RTL4: variants seen among roughly 807,000 people sequenced by gnomAD.
The protein encoded by RTL4 is retrotransposon Gag-like protein 4.
A neutral mutation model predicts 5.3 loss-of-function variants in RTL4; 4 were observed. The observed-to-expected ratio is 0.75, with a 90% CI of 0.37 to 1.72. RTL4 has a LOEUF of 1.72. Ranked by LOEUF, RTL4 falls within the 40% of genes most tolerant of loss-of-function variation. The probability of loss-of-function intolerance (pLI) is 0.04; values close to 1 mark genes in which losing one functional copy is unlikely to be tolerated. For missense variants in RTL4, 260 were observed against 227.1 expected (o/e 1.14, Z -0.93); for synonymous variants, 98 against 87.3 (o/e 1.12, Z -0.68).
the RTL4 span, among the ~76,000 whole-genome samples, chrX:112,115,181 G>A: frequency 9.9e-5 from 11 of 110,839 alleles, no homozygotes; most frequent in African/African-American, 2.6e-4. Context: ...GAATAGTTGC[G>A]CTCACTGACA....
the RTL4 span, among the ~76,000 whole-genome samples, chrX:112,199,673 T>G: frequency 2.7e-5 from 3 of 111,916 alleles, no homozygotes; most frequent in East Asian, 8.4e-4. Context: ...GTCACAAGAC[T>G]AACTGCTGTG....
the RTL4 span, among the ~76,000 whole-genome samples, chrX:112,162,096 A>G: frequency 1.8e-5 from 2 of 110,525 alleles, no homozygotes; most frequent in African/African-American, 6.6e-5. Context: ...TTTACAAAGG[A>G]AAGTTTTGGA....
At chrX:112,452,798 G>A (rs1305309155), upstream of RTL4, among the ~76,000 whole-genome samples, 1 of 111,456 alleles carries the variant, frequency 9.0e-6, no homozygotes, top group East Asian at 2.9e-4. Context: ...TCGGGAGACC[G>A]AGGCAGGCGG....
the RTL4 span, among the ~76,000 whole-genome samples, chrX:112,188,960 T>TA: frequency 9.0e-6 from 1 of 111,249 alleles, no homozygotes; most frequent in Admixed American, 9.5e-5. Flanking sequence ...AGCCCAGGTA[T>TA]CCTGGGCTCC....
chrX:112,344,136 C>T, the RTL4 span, among the ~76,000 whole-genome samples: 9 of 111,827 alleles, frequency 8.0e-5, no homozygotes, highest in African/African-American at 2.9e-4. Context: ...GAACATCTAC[C>T]ATGTGCCAGT....
the RTL4 span, among the ~76,000 whole-genome samples, chrX:112,178,134 A>T: frequency 9.0e-6 from 1 of 111,390 alleles, no homozygotes; most frequent in Non-Finnish European, 1.9e-5. Context: ...TAGGAAATCC[A>T]ATCAATGTGG....
the RTL4 span, among the ~76,000 whole-genome samples, chrX:112,173,673 G>A: frequency 9.1e-6 from 1 of 110,352 alleles, no homozygotes; most frequent in Admixed American, 9.6e-5. Context: ...GGTGTCTCCA[G>A]AGGGCATAGT....
chrX:112,221,913 C>T, the RTL4 span, among the ~76,000 whole-genome samples: 1 of 112,527 alleles, frequency 8.9e-6, no homozygotes, highest in African/African-American at 3.2e-5. Flanking sequence ...AAAATAGGGC[C>T]TTGCCCTTCT....
the RTL4 span, among the ~76,000 whole-genome samples, chrX:112,169,100 CTTTCTTTCT>C: frequency 2.5e-5 from 1 of 40,730 alleles, no homozygotes. Context: ...TTCTTTCTTT[CTTTCTTTCT>C]TTTTTGGGTT....
At chrX:112,410,084 T>C in the RTL4 span, among the ~76,000 whole-genome samples, 4 of 112,021 alleles carry the variant, frequency 3.6e-5, no homozygotes, top group Admixed American at 3.8e-4. Context: ...TAGCTATAGT[T>C]ATATCAGACA....
the RTL4 span, among the ~76,000 whole-genome samples, chrX:112,446,542 G>A: frequency 3.6e-5 from 4 of 112,145 alleles, no homozygotes; most frequent in African/African-American, 1.3e-4. Flanking sequence ...GCAGGGCTGG[G>A]TTTTCCATTT....
chrX:112,361,112 C>A, the RTL4 span, among the ~76,000 whole-genome samples: 1 of 111,411 alleles, frequency 9.0e-6, no homozygotes, highest in Admixed American at 9.6e-5. Context: ...CACAACCTTA[C>A]GCAAAAACTA....
chrX:112,088,382 T>A, the RTL4 span, among the ~76,000 whole-genome samples: 1 of 111,812 alleles, frequency 8.9e-6, no homozygotes, highest in Non-Finnish European at 1.9e-5. Flanking sequence ...TAGCATATAA[T>A]CAGTACTTAA....
chrX:112,311,668 G>A, the RTL4 span, among the ~76,000 whole-genome samples: 1 of 111,065 alleles, frequency 9.0e-6, no homozygotes, highest in African/African-American at 3.3e-5. Context: ...AGTTTAAGTG[G>A]TATTTTCTAT....
the RTL4 span, among the ~76,000 whole-genome samples, chrX:112,241,580 C>A: frequency 0.012 from 1,304 of 111,624 alleles, 13 homozygotes; most frequent in Non-Finnish European, 0.019. Context: ...AGTTCTTTGT[C>A]GATTCTGGCT....
At chrX:112,397,413 A>C in the RTL4 span, among the ~76,000 whole-genome samples, 1 of 111,045 alleles carries the variant, frequency 9.0e-6, no homozygotes, top group Admixed American at 9.6e-5. Context: ...GAATTAATTG[A>C]TGCAGACCCT....
chrX:112,179,258 G>A, the RTL4 span, among the ~76,000 whole-genome samples: 2 of 111,095 alleles, frequency 1.8e-5, no homozygotes, highest in African/African-American at 6.6e-5. Context: ...AAGGGTGGGG[G>A]TCTAGAGGGA....
At chrX:112,374,722 A>G in the RTL4 span, among the ~76,000 whole-genome samples, 1 of 112,032 alleles carries the variant, frequency 8.9e-6, no homozygotes, top group Admixed American at 9.4e-5. Flanking sequence ...ATTTACTACT[A>G]TGGTGAAGTG....
At chrX:112,158,334 A>C in the RTL4 span, among the ~76,000 whole-genome samples, 56 of 111,447 alleles carry the variant, frequency 5.0e-4, no homozygotes, top group Admixed American at 9.6e-4. Flanking sequence ...AAAATGTAGA[A>C]TACAGAGTAG....
Sources: gnomAD v4.1 joint callset for allele counts (sites outside exome capture counted in the v4.1 genomes callset) on GRCh38, gnomAD v4.1.1 for gene constraint, MANE v1.5 for transcripts, NCBI Gene and HGNC (gene_info 2026-07-23, HGNC 2026-07-21) for gene names.